The following PEAK1 variants were observed in gnomAD, a reference collection of about 807,000 sequenced individuals.
PEAK1 encodes inactive tyrosine-protein kinase PEAK1.
Under a neutral mutation model 124.7 loss-of-function variants are expected in PEAK1, and 54 were observed. The observed-to-expected ratio is 0.43, with a 90% CI of 0.35 to 0.54. The LOEUF is 0.54. Among genes scored for constraint, PEAK1 ranks in the 20% least tolerant of loss-of-function variants. PEAK1 has a pLI of 0.01. For synonymous variants in PEAK1, 719 were observed against 760.0 expected, an observed-to-expected ratio of 0.95 and a Z score of 0.89; for missense variants, 2,046 against 2,134.5, an observed-to-expected ratio of 0.96 and a Z score of 0.82.
downstream of PEAK1, chr15:77,104,047 C>G (rs530890864): frequency 2.0e-5 from 3 of 152,310 alleles, no homozygotes; most frequent in African/African-American, 7.2e-5. Flanking sequence ...TGGGCCTATC[C>G]GCTGGCACAA....
chr15:77,248,272 A>G (rs1018253895), intron 6 of PEAK1, among the ~76,000 whole-genome samples: 2 of 152,194 alleles, frequency 1.3e-5, no homozygotes, highest in African/African-American at 2.4e-5. Flanking sequence ...CTGTACCACT[A>G]AATAGTCATT....
In PEAK1 at chr15:77,189,857, G is replaced by C. The variant is rs78876618; in HGVS notation, c.-114-7817C>G. Among the ~76,000 whole-genome samples the C allele has an allele frequency of 1.8e-3, 272 of 152,210 alleles. 6 individuals carry two copies. The East Asian group carries it at 0.05, about 28-fold the overall frequency. Reference sequence around the variant, plus strand: ...GCCAAGTGAAGAAAGCTGGACTGCAGGCTAAATTAGGGAGTCACAGCTGAT... The same window carrying C: ...GCCAAGTGAAGAAAGCTGGACTGCACGCTAAATTAGGGAGTCACAGCTGAT... On this transcript the variant is annotated intron_variant, in intron 6 of 9. Transcript: ENST00000682557.
At chr15:77,223,638 A>G (rs1235703219) in intron 6 of PEAK1, among the ~76,000 whole-genome samples, 1 of 152,022 alleles carries the variant, frequency 6.6e-6, no homozygotes, top group East Asian at 1.9e-4. Flanking sequence ...GCAAGCCAAT[A>G]CTCAAACTAT....
chr15:77,269,789 T>C (rs557374767), intron 5 of PEAK1, among the ~76,000 whole-genome samples: 1 of 152,324 alleles, frequency 6.6e-6, no homozygotes, highest in East Asian at 1.9e-4. Context: ...AGCACTCTAT[T>C]AGACCACAGT....
intron 6 of PEAK1, among the ~76,000 whole-genome samples, chr15:77,234,789 C>T (rs948974488): frequency 1.3e-5 from 2 of 151,936 alleles, no homozygotes; most frequent in African/African-American, 4.8e-5. Flanking sequence ...GTATGGACCA[C>T]CATGTCCAGC....
chr15:77,346,528 G>C (rs2066884414), intron 2 of PEAK1: 1 of 985,302 alleles, frequency 1.0e-6, no homozygotes, highest in Non-Finnish European at 1.2e-6. Flanking sequence ...GGATGTACGG[G>C]CTCAGACACC....
At chr15:77,130,567 G>T (rs928978047) in intron 9 of PEAK1, among the ~76,000 whole-genome samples, 4 of 152,180 alleles carry the variant, frequency 2.6e-5, no homozygotes, top group Admixed American at 2.6e-4. Flanking sequence ...AAGGCCAATC[G>T]TTACCTTATC....
chr15:77,183,087 T>C (rs1418243854), intron 6 of PEAK1, among the ~76,000 whole-genome samples: 4 of 152,236 alleles, frequency 2.6e-5, no homozygotes, highest in Middle Eastern at 3.2e-3. Context: ...CCTGTTTTTG[T>C]ATCCCAAGGT....
At chr15:77,307,635 C>A (rs1446309934) in intron 2 of PEAK1, among the ~76,000 whole-genome samples, 2 of 152,062 alleles carry the variant, frequency 1.3e-5, no homozygotes, top group African/African-American at 4.8e-5. Context: ...AATTTCCTCT[C>A]TATCAAGGCA....
chr15:77,264,683 G>A (rs1213236643), intron 5 of PEAK1, among the ~76,000 whole-genome samples: 1 of 152,094 alleles, frequency 6.6e-6, no homozygotes, highest in East Asian at 1.9e-4. Context: ...TACTGCCCAA[G>A]GTAATTTATA....
chr15:77,403,631 G>A (rs1272342951), intron 1 of PEAK1: 1 of 899,838 alleles, frequency 1.1e-6, no homozygotes, highest in East Asian at 1.2e-4. Context: ...CTAAGTTCTG[G>A]GGACATGAAG....
At chr15:77,229,287 A>C (rs371618251) in intron 6 of PEAK1, among the ~76,000 whole-genome samples, 10 of 152,226 alleles carry the variant, frequency 6.6e-5, no homozygotes, top group African/African-American at 2.4e-4. Flanking sequence ...TAACCTGCAG[A>C]GACATCCTTA....
chr15:77,362,863 ATTTAT>A (rs2067985901), intron 2 of PEAK1, among the ~76,000 whole-genome samples: 1 of 152,034 alleles, frequency 6.6e-6, no homozygotes, highest in African/African-American at 2.4e-5. Flanking sequence ...TTATTTATTT[ATTTAT>A]TTTTTTAGAC....
chr15:77,315,224 C>A (rs2064797579), intron 2 of PEAK1, among the ~76,000 whole-genome samples: 1 of 152,054 alleles, frequency 6.6e-6, no homozygotes, highest in African/African-American at 2.4e-5. Context: ...AACCTGATGC[C>A]ATAAATACAA....
At chr15:77,195,071 T>G (rs2058036827) in intron 6 of PEAK1, among the ~76,000 whole-genome samples, 1 of 152,004 alleles carries the variant, frequency 6.6e-6, no homozygotes, top group South Asian at 2.1e-4. Context: ...ACTATAAGTT[T>G]ATTTAATTAT....
chr15:77,158,462 A>G, intron 8 of PEAK1, 41 bp downstream of exon 8: 1 of 1,563,486 alleles, frequency 6.4e-7, no homozygotes, highest in Non-Finnish European at 8.8e-7. Flanking sequence ...GTACAGAAAA[A>G]GGCAAAGTTT....
At chr15:77,209,744 AC>A (rs776265842) in intron 6 of PEAK1, among the ~76,000 whole-genome samples, 1 of 152,088 alleles carries the variant, frequency 6.6e-6, no homozygotes, top group East Asian at 1.9e-4. Context: ...CAGAATAATG[AC>A]CCCACAAAGA....
In PEAK1 at chr15:77,113,736, G is replaced by C. The variant is rs2051120876; in HGVS notation, c.*420C>G. 5.4e-6 allele frequency: 1 copy of C among 184,206 alleles called. No individual in the cohort carries two copies. 11.4% of individuals were successfully genotyped at this position (184,206 alleles called of 1,614,324 possible). On this transcript the variant is annotated 3_prime_UTR_variant, in exon 10 of 10. Coordinates refer to ENST00000682557, the MANE Select transcript of PEAK1 (RefSeq NM_001385026.1). ...GTCTACTGGGTCGTGGTAGAGACTGGTTAAGTCTGTCTACTGCTAGTGAGA... is the reference window on the plus strand; with the variant it reads ...GTCTACTGGGTCGTGGTAGAGACTGCTTAAGTCTGTCTACTGCTAGTGAGA...
intron 2 of PEAK1, chr15:77,336,604 C>A (rs2066215181): frequency 1.1e-6 from 1 of 935,028 alleles, no homozygotes; most frequent in Non-Finnish European, 1.3e-6. Flanking sequence ...TCCTACAGAG[C>A]AATCTGGCAA....
Sources: allele counts gnomAD v4.1 joint callset (sites outside exome capture counted in the v4.1 genomes callset), GRCh38; gene constraint gnomAD v4.1.1; transcripts MANE v1.5; gene names NCBI Gene and HGNC (gene_info 2026-07-23, HGNC 2026-07-21).